Variants in MRC1 observed in about 807,000 individuals in gnomAD.
MRC1 encodes mannose receptor C-type 1.
MRC1 carries 62 observed loss-of-function variants against 102.9 expected under a neutral mutation model. The observed-to-expected ratio is 0.60, with a 90% CI of 0.49 to 0.74. MRC1 has a LOEUF of 0.74. Ranked by LOEUF, MRC1 falls within the 30% of genes least tolerant of loss-of-function variation. The probability of loss-of-function intolerance (pLI) is 0.00; values close to 1 mark genes in which losing one functional copy is unlikely to be tolerated. For missense variants in MRC1, 1,237 were observed against 862.8 expected (o/e 1.43, Z -5.43); for synonymous variants, 457 against 298.4 (o/e 1.53, Z -5.48).
chr10:17,844,317 C>T (rs1490341293), intron 5 of MRC1, among the ~76,000 whole-genome samples: 1 of 152,110 alleles, frequency 6.6e-6, no homozygotes, highest in African/African-American at 2.4e-5. Flanking sequence ...CTCCCAGGTT[C>T]AAGCAATTCT....
At chr10:17,846,402 T>C (rs1369961715) in intron 6 of MRC1, among the ~76,000 whole-genome samples, 1 of 152,216 alleles carries the variant, frequency 6.6e-6, no homozygotes, top group African/African-American at 2.4e-5. Context: ...TTAATTTATT[T>C]CTGTTTTTCT....
Position 17,849,648 on chromosome 10 carries a change from G to A in MRC1, c.1133G>A (p.Arg378Lys). ...GCCGGTCACTGTTACAAGATTCACA[G>A]AGATGAGAAAAAAATCCAGAGGGAT... ...PYAGHCYKIH[R>K]DEKKIQRDAL... The change falls in exon 7 of 30, where the codon AGA becomes AAA. Residue 378 changes from arginine to lysine, a missense_variant. Physicochemically the swap from Arg to Lys is conservative, Grantham distance 26. Coordinates refer to ENST00000569591, the MANE Select transcript of MRC1 (RefSeq NM_002438.4). 3.8e-6 allele frequency: 3 copies of A among 780,938 alleles called. No homozygotes were observed. Among genetic ancestry groups the A allele is most frequent in the East Asian group, 4.9e-5 (2 of 41,236 alleles). 48.4% of individuals were successfully genotyped at this position (780,938 alleles called of 1,614,324 possible). A position where few individuals can be genotyped will look rare whatever the true frequency, so the allele number is the denominator to read the frequency against.
rs1202091328 is a variant in MRC1 at position 17,910,169 on chromosome 10, C to T, written c.4121-46C>T. On this transcript the variant is annotated intron_variant, in intron 29 of 29. Coordinates refer to ENST00000569591, the MANE Select transcript of MRC1 (RefSeq NM_002438.4). ...GCGAAGTTCTGCATAGCATGCAACC[C>T]TCTGCCTCCCTCCACGTTTTCCATA... 3 of 779,760 alleles carry T rather than the reference C, an allele frequency of 3.8e-6. No homozygotes were observed. The South Asian group carries it at 4.0e-5, about 10-fold the overall frequency. The allele number at this position is 779,760 out of a possible 1,614,324, so 48.3% of individuals were successfully genotyped here.
At chr10:17,824,467 T>C (rs1589165402) in intron 2 of MRC1, among the ~76,000 whole-genome samples, 1 of 152,232 alleles carries the variant, frequency 6.6e-6, no homozygotes, top group African/African-American at 2.4e-5. Flanking sequence ...CATAGCAATT[T>C]AGTTCTTTAT....
rs923960857 is a variant in MRC1, at chr10:17,837,533, A to G, written c.803-3160A>G. On this transcript the variant is annotated intron_variant, in intron 4 of 29. Transcript: ENST00000569591. The stretch of plus-strand genomic sequence containing the variant: ...AATATGCCATTAAAATGAAAAAACA[A>G]CCTACAAAATATTTACACTTTTAAA... Among the ~76,000 whole-genome samples, 311 of 152,272 alleles carry G rather than the reference A, an allele frequency of 2.0e-3. 1 individual carries two copies. Among genetic ancestry groups the G allele is most frequent in the African/African-American group, 6.8e-3 (283 of 41,556 alleles).
At chr10:17,893,602 G>GA (rs1285196583) in intron 22 of MRC1, among the ~76,000 whole-genome samples, 30 of 150,652 alleles carry the variant, frequency 2.0e-4, no homozygotes, top group Admixed American at 5.3e-4. Flanking sequence ...TGGCATTTCA[G>GA]AAAAAAAAAT....
chr10:17,840,736 C>T lies in MRC1; in HGVS notation c.846C>T (p.Asn282=). 1 of 780,868 alleles carries T rather than the reference C, an allele frequency of 1.3e-6. No homozygotes were observed. The allele number at this position is 780,868 out of a possible 1,614,324, so 48.4% of individuals were successfully genotyped here. The change falls in exon 5 of 30, where the codon AAC becomes AAT. Residue 282 remains asparagine, a synonymous_variant. Transcript: ENST00000569591. ...CCTCAGGACTCTGGATTGGACTTAA[C>T]AGTCTGAGCTTCAACAGCGGTTGGC... The part of the protein sequence containing the change: ...SLTSGLWIGL[N]SLSFNSGWQW...
intron 18 of MRC1, 135 bp downstream of exon 18, chr10:17,878,102 A>T (rs1833461998): frequency 1.6e-6 from 1 of 638,244 alleles, no homozygotes; most frequent in African/African-American, 1.8e-5. Context: ...AAGCAACTTG[A>T]AAAAAGGAAT....
Position 17,840,737 on chromosome 10 carries a change from A to G in MRC1, c.847A>G (p.Ser283Gly), listed in dbSNP as rs1325965690. 4 of 780,750 alleles carry G rather than the reference A, an allele frequency of 5.1e-6. No homozygotes were observed. Among genetic ancestry groups the G allele is most frequent in the Non-Finnish European group, 9.6e-6 (4 of 417,970 alleles). 48.4% of individuals were successfully genotyped at this position (780,750 alleles called of 1,614,324 possible). ...CTCAGGACTCTGGATTGGACTTAAC[A>G]GTCTGAGCTTCAACAGCGGTTGGCA... ...LTSGLWIGLNSLSFNSGWQWS... is the reference protein window; with the variant it reads ...LTSGLWIGLNGLSFNSGWQWS... The change falls in exon 5 of 30, where the codon AGT becomes GGT. Residue 283 changes from serine (S) to glycine (G), a missense_variant. Transcript: ENST00000569591.
At chr10:17,814,588 C>G (rs1324481078) in intron 1 of MRC1, among the ~76,000 whole-genome samples, 5 of 151,664 alleles carry the variant, frequency 3.3e-5, no homozygotes, top group African/African-American at 9.7e-5. Context: ...TGATTGCAAG[C>G]CTATCAACCC....
At chr10:17,886,769 A>G (rs1833602529) in intron 22 of MRC1, among the ~76,000 whole-genome samples, 1 of 152,200 alleles carries the variant, frequency 6.6e-6, no homozygotes, top group Admixed American at 6.5e-5. Flanking sequence ...GAGAAAGGCC[A>G]TGTTAGATGG....
intron 26 of MRC1, among the ~76,000 whole-genome samples, chr10:17,903,433 T>G (rs1833857159): frequency 7.8e-6 from 1 of 128,834 alleles, no homozygotes; most frequent in South Asian, 2.9e-4. Flanking sequence ...TCTCATTCCC[T>G]CGCCCAGGCT....
intron 8 of MRC1, among the ~76,000 whole-genome samples, chr10:17,854,385 A>G (rs1589179509): frequency 6.6e-6 from 1 of 152,066 alleles, no homozygotes; most frequent in African/African-American, 2.4e-5. Flanking sequence ...GGTTGTTTTT[A>G]TTGTGATGGA....
chr10:17,873,679 C>G (rs2130680269), intron 15 of MRC1, 105 bp from the exon 16 acceptor site: 1 of 790,500 alleles, frequency 1.3e-6, no homozygotes, highest in Non-Finnish European at 2.3e-6. Context: ...AAGAGAACAA[C>G]TAAGTTTTTA....
At chr10:17,894,398 T>A in intron 23 of MRC1, 86 bp downstream of exon 23, 2 of 561,782 alleles carry the variant, frequency 3.6e-6, no homozygotes, top group Non-Finnish European at 6.3e-6. Context: ...TTCTTTCTTT[T>A]TTTTTTTTTT....
intron 7 of MRC1, among the ~76,000 whole-genome samples, chr10:17,850,967 C>A (rs1838907223): frequency 6.6e-6 from 1 of 152,162 alleles, no homozygotes; most frequent in African/African-American, 2.4e-5. Context: ...CTTGGTTATT[C>A]TGTGTCTACT....
chr10:17,909,448 C>A, intron 29 of MRC1, 101 bp downstream of exon 29: 1 of 750,276 alleles, frequency 1.3e-6, no homozygotes, highest in South Asian at 1.5e-5. Context: ...CCTGCTCTCT[C>A]AGTAGAATTT....
intron 2 of MRC1, among the ~76,000 whole-genome samples, chr10:17,824,691 A>G (rs978660385): frequency 0.017 from 2,628 of 152,304 alleles, 40 homozygotes; most frequent in South Asian, 0.07. Context: ...AGGAAGGAGA[A>G]GGGTGAATTA....
intron 24 of MRC1, 63 bp from the exon 25 acceptor site, chr10:17,900,725 G>A: frequency 2.6e-6 from 2 of 780,110 alleles, no homozygotes; most frequent in Non-Finnish European, 4.8e-6. Flanking sequence ...TCTTGAATTG[G>A]TTCTTTTAGT....
Sources: allele counts gnomAD v4.1 joint callset (sites outside exome capture counted in the v4.1 genomes callset), GRCh38; gene constraint gnomAD v4.1.1; transcripts MANE v1.5; gene names NCBI Gene and HGNC (gene_info 2026-07-23, HGNC 2026-07-21).